HNMT: variants seen among roughly 807,000 people sequenced by gnomAD.
The protein encoded by HNMT is histamine N-methyltransferase.
HNMT carries 30 observed loss-of-function variants against 32.1 expected under a neutral mutation model. The observed-to-expected ratio is 0.93, with a 90% CI of 0.70 to 1.27. The LOEUF is 1.27. HNMT is among the 50% of genes most tolerant of loss of function. HNMT has a pLI of 0.00. For synonymous variants in HNMT, 125 were observed against 119.0 expected (o/e 1.05, Z -0.33); for missense variants, 327 against 346.0 (o/e 0.95, Z 0.43).
chr2:137,972,372 C>T (rs998502876), intron 2 of HNMT, among the ~76,000 whole-genome samples: 1 of 152,142 alleles, frequency 6.6e-6, no homozygotes, highest in Non-Finnish European at 1.5e-5. Flanking sequence ...TCCCAAAGTG[C>T]TGAGATTACA....
At chr2:137,999,640 C>A (rs1490818682) in intron 2 of HNMT, among the ~76,000 whole-genome samples, 1 of 152,118 alleles carries the variant, frequency 6.6e-6, no homozygotes, top group East Asian at 1.9e-4. Context: ...AGACTAACAT[C>A]ATTTTCCTAT....
chr2:137,993,533 A>G (rs2104961577), intron 2 of HNMT, among the ~76,000 whole-genome samples: 1 of 152,332 alleles, frequency 6.6e-6, no homozygotes, highest in Non-Finnish European at 1.5e-5. Flanking sequence ...CTTCATAAGA[A>G]GACCAAACCT....
chr2:137,964,990 G>T (rs952534297), intron 1 of HNMT, among the ~76,000 whole-genome samples: 4 of 152,136 alleles, frequency 2.6e-5, no homozygotes, highest in African/African-American at 7.2e-5. Flanking sequence ...AGTCCCAAAG[G>T]GAGTCTGGTA....
chr2:138,003,895 T>C (rs1391691075), intron 4 of HNMT, among the ~76,000 whole-genome samples: 1 of 152,102 alleles, frequency 6.6e-6, no homozygotes, highest in African/African-American at 2.4e-5. Context: ...ATTTCAGGAA[T>C]CAGCTTCTCT....
intron 2 of HNMT, among the ~76,000 whole-genome samples, chr2:137,995,815 C>A (rs764537535): frequency 1.3e-5 from 2 of 152,072 alleles, no homozygotes; most frequent in Non-Finnish European, 2.9e-5. Context: ...AAAAAATTAT[C>A]CACCACAATC....
chr2:137,981,210 C>T (rs1244079214), intron 2 of HNMT: 1 of 1,612,890 alleles, frequency 6.2e-7, no homozygotes, highest in Admixed American at 1.7e-5. Flanking sequence ...TTTTCTTGAC[C>T]TGCAGATTGT....
At chr2:137,983,840 T>C (rs1400513035) in intron 2 of HNMT, among the ~76,000 whole-genome samples, 1 of 152,244 alleles carries the variant, frequency 6.6e-6, no homozygotes, top group Non-Finnish European at 1.5e-5. Flanking sequence ...GGAGAATTTA[T>C]AACCTGCCCT....
intron 5 of HNMT, among the ~76,000 whole-genome samples, chr2:138,009,130 A>G (rs1018007389): frequency 1.3e-5 from 2 of 152,178 alleles, no homozygotes; most frequent in Admixed American, 6.6e-5. Flanking sequence ...AGATGTGGCC[A>G]AGAAGCATTT....
At chr2:137,979,927 G>A (rs767046559) in intron 2 of HNMT, among the ~76,000 whole-genome samples, 1 of 152,016 alleles carries the variant, frequency 6.6e-6, no homozygotes, top group Admixed American at 6.6e-5. Flanking sequence ...CTAGACCTCC[G>A]GCCTCTCCTT....
intron 1 of HNMT, among the ~76,000 whole-genome samples, chr2:137,966,318 C>T (rs528328029): frequency 6.6e-6 from 1 of 152,264 alleles, no homozygotes; most frequent in South Asian, 2.1e-4. Context: ...TCCCACTCTC[C>T]GGAAGCAACC....
intron 5 of HNMT, among the ~76,000 whole-genome samples, chr2:138,013,030 G>A (rs890477362): frequency 6.6e-6 from 1 of 152,072 alleles, no homozygotes; most frequent in Non-Finnish European, 1.5e-5. Flanking sequence ...TCATTCTAAT[G>A]TGCTGTTCCA....
chr2:137,998,099 AC>A (rs1276408746), intron 2 of HNMT, among the ~76,000 whole-genome samples: 1 of 152,138 alleles, frequency 6.6e-6, no homozygotes, highest in East Asian at 1.9e-4. Flanking sequence ...TACCTATGTA[AC>A]AAACCTGTAC....
intron 1 of HNMT, among the ~76,000 whole-genome samples, chr2:137,965,174 T>A (rs947920598): frequency 3.3e-5 from 5 of 152,184 alleles, no homozygotes; most frequent in African/African-American, 1.2e-4. Context: ...AGCAATGTGT[T>A]CCTTAAAAAA....
At chr2:138,000,398 G>A (rs1044945842) in intron 2 of HNMT, among the ~76,000 whole-genome samples, 9 of 152,050 alleles carry the variant, frequency 5.9e-5, no homozygotes, top group Admixed American at 1.3e-4. Context: ...GTTTATGAGG[G>A]CAGATATCTG....
rs1681652433 is a variant in HNMT, at chr2:138,016,056, C to T, written c.*1926C>T. ...TATAAATTCAAGGGATAAACCTATC[C>T]CTGTTTTCTTCCTGCACTGTATGAT... On this transcript the variant is annotated 3_prime_UTR_variant, in exon 6 of 6. Transcript: ENST00000280097. 6.6e-6 allele frequency: 1 copy of T among 152,030 alleles called. No individual in the cohort carries two copies. 9.4% of individuals were successfully genotyped at this position (152,030 alleles called of 1,614,324 possible).
chr2:137,967,715 A>G (rs932619254), intron 1 of HNMT: 2 of 151,978 alleles, frequency 1.3e-5, no homozygotes, highest in African/African-American at 2.4e-5. Flanking sequence ...TGATTACCTA[A>G]TTTTCTTATA....
chr2:137,967,512 A>C (rs1276094823), intron 1 of HNMT: 1 of 169,246 alleles, frequency 5.9e-6, no homozygotes, highest in Non-Finnish European at 1.3e-5. Context: ...ACTTTTTAGA[A>C]TCTTCTTACG....
In HNMT at chr2:137,981,314, G is replaced by C. The variant is rs1171456623; in HGVS notation, c.190+11097G>C. ...AGACAAGCCAGGCATGAGGATCCAT[G>C]ATGAGCGCTCTTCTGAGTTGCCATT... On this transcript the variant is annotated intron_variant, in intron 2 of 5. Transcript: ENST00000280097. 3.1e-6 allele frequency: 5 copies of C among 1,613,332 alleles called. No homozygotes were observed. In the African/African-American group the frequency reaches 4.0e-5, roughly 13 times the overall value.
At chr2:137,975,719 A>C (rs1680266301) in intron 2 of HNMT, among the ~76,000 whole-genome samples, 1 of 152,204 alleles carries the variant, frequency 6.6e-6, no homozygotes, top group Non-Finnish European at 1.5e-5. Flanking sequence ...CCAGTGTGTC[A>C]GGTTTAGAAA....
Sources: gnomAD v4.1 joint callset for allele counts (sites outside exome capture counted in the v4.1 genomes callset) on GRCh38, gnomAD v4.1.1 for gene constraint, MANE v1.5 for transcripts, NCBI Gene and HGNC (gene_info 2026-07-23, HGNC 2026-07-21) for gene names.